The following ASAP1 variants were observed in gnomAD, a reference collection of about 807,000 sequenced individuals.
ASAP1 encodes arf-GAP with SH3 domain, ANK repeat and PH domain-containing protein 1.
A neutral mutation model predicts 145.2 loss-of-function variants in ASAP1; 43 were observed. The ratio of observed to expected loss-of-function variants is 0.30; its 90% CI spans 0.23 to 0.38. The LOEUF is 0.38. Among genes scored for constraint, ASAP1 ranks in the 10% least tolerant of loss-of-function variants. The pLI is 1.00. For synonymous variants in ASAP1, 546 were observed against 515.5 expected (o/e 1.06, Z -0.80); for missense variants, 1,018 against 1,355.3 (o/e 0.75, Z 3.91).
chr8:130,317,552 T>C (rs548968674), intron 3 of ASAP1, among the ~76,000 whole-genome samples: 1 of 152,348 alleles, frequency 6.6e-6, no homozygotes, highest in African/African-American at 2.4e-5. Context: ...GAAGGTTTTT[T>C]ATAGCCTCCT....
At chr8:130,422,006 A>G (rs1373876627) in intron 1 of ASAP1, among the ~76,000 whole-genome samples, 2 of 152,226 alleles carry the variant, frequency 1.3e-5, no homozygotes, top group Non-Finnish European at 2.9e-5. Flanking sequence ...TGAACAAAAC[A>G]GACAGTGAAA....
At chr8:130,100,318 C>CTT (rs2097526518) in intron 24 of ASAP1, among the ~76,000 whole-genome samples, 1 of 147,716 alleles carries the variant, frequency 6.8e-6, no homozygotes, top group Non-Finnish European at 1.5e-5. Context: ...GTCGTGTTTT[C>CTT]TTTCTTTCTT....
chr8:130,127,202 G>T (rs1302562084), intron 16 of ASAP1, among the ~76,000 whole-genome samples: 1 of 152,154 alleles, frequency 6.6e-6, no homozygotes, highest in East Asian at 1.9e-4. Context: ...CATGTCAGTT[G>T]ATTTCACATG....
intron 2 of ASAP1, among the ~76,000 whole-genome samples, chr8:130,366,885 C>CTTTTTTTTTTTTTTTTTTTTTT (rs1565252965): frequency 8.3e-6 from 1 of 120,092 alleles, no homozygotes; most frequent in South Asian, 3.5e-4. Flanking sequence ...ATGCTAGATT[C>CTTTTTTTTTTTTTTTTTTTTTT]CTTTTTTTTT....
At position 130,337,957 on chromosome 8, in the gene ASAP1, T is replaced by C. The variant is rs144432674; in HGVS notation, c.186+20060A>G. Among the ~76,000 whole-genome samples, 46 of 152,376 alleles carry C rather than the reference T, an allele frequency of 3.0e-4. No individual in the cohort carries two copies. In the East Asian group the frequency reaches 8.7e-3, roughly 29 times the overall value. ...CTACATACCAATGTGGAGTGTAAGATGCCTAATCCATTACTTCATTTTTGC... is the reference window on the plus strand; with the variant it reads ...CTACATACCAATGTGGAGTGTAAGACGCCTAATCCATTACTTCATTTTTGC... On this transcript the variant is annotated intron_variant, in intron 3 of 29. Transcript: ENST00000518721.
At chr8:130,430,116 C>T (rs1047568639) in intron 1 of ASAP1, among the ~76,000 whole-genome samples, 1 of 152,178 alleles carries the variant, frequency 6.6e-6, no homozygotes, top group Admixed American at 6.5e-5. Context: ...TCCTTCTGGA[C>T]CTCAAAGACA....
intron 13 of ASAP1, among the ~76,000 whole-genome samples, chr8:130,148,993 T>C (rs1280079134): frequency 2.7e-5 from 4 of 150,448 alleles, no homozygotes; most frequent in Middle Eastern, 3.4e-3. Context: ...TGCACCATCA[T>C]GCCCAGCTAA....
intron 4 of ASAP1, 29 bp from the exon 5 acceptor site, chr8:130,214,730 T>A (rs777576530): frequency 6.5e-7 from 1 of 1,541,156 alleles, no homozygotes; most frequent in African/African-American, 1.4e-5. Context: ...AAGAAAGGAG[T>A]CTGAACTATT....
At chr8:130,278,543 T>G (rs1209382975) in intron 3 of ASAP1, among the ~76,000 whole-genome samples, 1 of 152,230 alleles carries the variant, frequency 6.6e-6, no homozygotes, top group African/African-American at 2.4e-5. Flanking sequence ...AAAACATTCT[T>G]TGCAAAAGTC....
intron 15 of ASAP1, among the ~76,000 whole-genome samples, chr8:130,132,587 T>C (rs1026336037): frequency 2.6e-5 from 4 of 152,170 alleles, no homozygotes; most frequent in African/African-American, 9.7e-5. Flanking sequence ...CCCGAGTCTA[T>C]TCCTCCAGCA....
intron 27 of ASAP1, among the ~76,000 whole-genome samples, chr8:130,067,276 G>A (rs2097432716): frequency 6.6e-6 from 1 of 152,184 alleles, no homozygotes; most frequent in Admixed American, 6.5e-5. Context: ...AGTTAGATGA[G>A]TGGTGGTCAC....
rs145850169 is a variant in ASAP1, at chr8:130,191,543, G to C, written c.406-3360C>G. Among the ~76,000 whole-genome samples, 37 of 152,308 alleles carry C rather than the reference G, an allele frequency of 2.4e-4. No individual in the cohort carries two copies. In the East Asian group the frequency reaches 6.2e-3, roughly 25 times the overall value. The stretch of plus-strand genomic sequence containing the variant: ...GTGGAGAGCTCATATTCTAGGAACA[G>C]AGGCAGTCACTACACAGCCAACTCT... On this transcript the variant is annotated intron_variant, in intron 5 of 29. Transcript: ENST00000518721.
chr8:130,333,198 T>C (rs377708431), intron 3 of ASAP1, among the ~76,000 whole-genome samples: 70 of 152,364 alleles, frequency 4.6e-4, no homozygotes, highest in African/African-American at 1.5e-3. Context: ...TCCAAATCAG[T>C]TGGATTTAAA....
intron 24 of ASAP1, among the ~76,000 whole-genome samples, chr8:130,108,477 C>T (rs1380222520): frequency 1.3e-5 from 2 of 152,088 alleles, no homozygotes; most frequent in Non-Finnish European, 1.5e-5. Context: ...ACCAAGTGCC[C>T]GGTCTCATTA....
At chr8:130,300,735 T>G (rs1272534709) in intron 3 of ASAP1, among the ~76,000 whole-genome samples, 3 of 152,202 alleles carry the variant, frequency 2.0e-5, no homozygotes. Flanking sequence ...CTTTTTCTGC[T>G]TTATTACCTC....
intron 27 of ASAP1, among the ~76,000 whole-genome samples, chr8:130,071,011 G>GAGAGAGAGAGAGAGAGA (rs1415476694): frequency 8.7e-5 from 1 of 11,438 alleles, no homozygotes; most frequent in Non-Finnish European, 1.4e-4. Context: ...GGGGAGGGGG[G>GAGAGAGAGAGAGAGAGA]GAGAGAGAGA....
intron 29 of ASAP1, among the ~76,000 whole-genome samples, chr8:130,057,010 T>C (rs1257738821): frequency 1.3e-5 from 2 of 152,240 alleles, no homozygotes; most frequent in African/African-American, 4.8e-5. Context: ...GCTGATGTCT[T>C]TCCCTCCTGA....
At chr8:130,127,783 A>G (rs2097577267) in intron 16 of ASAP1, 144 bp downstream of exon 16, 7 of 970,368 alleles carry the variant, frequency 7.2e-6, no homozygotes, top group Non-Finnish European at 1.0e-5. Context: ...CAGCGGTAGG[A>G]AAAATCACGT....
intron 3 of ASAP1, among the ~76,000 whole-genome samples, chr8:130,319,541 G>C (rs928030493): frequency 6.6e-6 from 1 of 152,124 alleles, no homozygotes; most frequent in Admixed American, 6.5e-5. Context: ...CCTGTGAATG[G>C]GGAGTCAGAG....
Sources: gnomAD v4.1 joint callset for allele counts (sites outside exome capture counted in the v4.1 genomes callset) on GRCh38, gnomAD v4.1.1 for gene constraint, MANE v1.5 for transcripts, NCBI Gene and HGNC (gene_info 2026-07-23, HGNC 2026-07-21) for gene names.